Variants in SLK observed in about 807,000 individuals in gnomAD.
SLK encodes STE20-like serine/threonine-protein kinase.
A neutral mutation model predicts 147.7 loss-of-function variants in SLK; 67 were observed. The observed-to-expected ratio is 0.45, with a 90% CI of 0.37 to 0.56. The LOEUF is 0.56. SLK is among the 20% of genes least tolerant of loss of function. SLK has a pLI of 0.00. For missense variants in SLK, 1,136 were observed against 1,438.8 expected, an observed-to-expected ratio of 0.79 and a Z score of 3.41; for synonymous variants, 441 against 475.0, an observed-to-expected ratio of 0.93 and a Z score of 0.93.
In SLK at chr10:104,003,227, A is replaced by G. The variant is rs35389916; in HGVS notation, c.2049A>G (p.Lys683=). Residue 683 remains lysine (K), a synonymous_variant, in exon 9 of 19, where the codon AAA becomes AAG. Transcript: ENST00000369755. ...SKVTTQIDKE[K]KEIPVSIKKE... The stretch of plus-strand genomic sequence containing the variant: ...TCACTACTCAGATAGATAAAGAGAA[A>G]AAAGAAATTCCAGTGTCAATTAAAA... 2.5e-6 allele frequency: 4 copies of G among 1,611,534 alleles called. No individual in the cohort carries two copies. The Admixed American group carries it at 6.8e-5, about 27-fold the overall frequency.
At chr10:103,985,411 T>C (rs1564652677) in intron 1 of SLK, among the ~76,000 whole-genome samples, 1 of 152,212 alleles carries the variant, frequency 6.6e-6, no homozygotes, top group Non-Finnish European at 1.5e-5. Context: ...CGTGAACAAT[T>C]TGAGTTGTTT....
chr10:104,005,359 T>G (rs1343219966), intron 9 of SLK, among the ~76,000 whole-genome samples: 1 of 152,228 alleles, frequency 6.6e-6, no homozygotes, highest in Non-Finnish European at 1.5e-5. Flanking sequence ...TGTAAAGACG[T>G]GTAAGTCAGA....
chr10:103,979,884 T>C (rs1306540060), intron 1 of SLK, among the ~76,000 whole-genome samples: 1 of 152,188 alleles, frequency 6.6e-6, no homozygotes, highest in East Asian at 1.9e-4. Flanking sequence ...ATTTATTAAC[T>C]TTTCCCTACA....
chr10:103,997,727 C>G (rs1016526835), intron 4 of SLK, among the ~76,000 whole-genome samples: 1 of 151,894 alleles, frequency 6.6e-6, no homozygotes, highest in African/African-American at 2.4e-5. Flanking sequence ...TTTTCTGGAG[C>G]TCTGTCGCCT....
At chr10:103,986,677 T>G (rs1265549669) in intron 1 of SLK, among the ~76,000 whole-genome samples, 1 of 140,780 alleles carries the variant, frequency 7.1e-6, no homozygotes, top group Non-Finnish European at 1.6e-5. Context: ...AGTTTTTTTT[T>G]TTTTTTTTTT....
At chr10:104,011,592 C>T (rs1413264811) in intron 13 of SLK, among the ~76,000 whole-genome samples, 6 of 150,562 alleles carry the variant, frequency 4.0e-5, no homozygotes, top group East Asian at 1.9e-4. Context: ...ATTGGAGTCT[C>T]GCTCTGTCTC....
rs755836378 is a variant in SLK at position 103,967,754 on chromosome 10, C to T, written c.9C>T (p.Phe3=). The T allele has an allele frequency of 6.2e-7, 1 of 1,614,042 alleles. No homozygotes were observed. The highest frequency in any genetic ancestry group is 8.5e-7 in the Non-Finnish European group (1 of 1,179,906). The change falls in exon 1 of 19, where the codon TTC becomes TTT. Residue 3 remains phenylalanine (F), a synonymous_variant. Transcript: ENST00000369755. Reference sequence around the variant, plus strand: ...CTGTGTTGGGAGGAAAAATGTCCTTCTTCAATTTCCGTAAGATCTTCAAGT... The same window carrying T: ...CTGTGTTGGGAGGAAAAATGTCCTTTTTCAATTTCCGTAAGATCTTCAAGT... The part of the protein sequence containing the change: MS[F]FNFRKIFKLG...
chr10:103,991,337 T>C (rs1341476990), intron 2 of SLK, among the ~76,000 whole-genome samples: 1 of 152,120 alleles, frequency 6.6e-6, no homozygotes, highest in Non-Finnish European at 1.5e-5. Context: ...TTTTATTCAT[T>C]TTCAGAAAAT....
At chr10:103,970,041 A>G (rs796357687) in intron 1 of SLK, among the ~76,000 whole-genome samples, 18 of 152,334 alleles carry the variant, frequency 1.2e-4, no homozygotes, top group African/African-American at 4.3e-4. Flanking sequence ...CTCTCACTCA[A>G]TAGCAGCATA....
Position 104,025,950 on chromosome 10 carries a change from G to A in SLK, c.*230G>A. The A allele has an allele frequency of 2.5e-6, 1 of 404,204 alleles. No homozygotes were observed. Among genetic ancestry groups the A allele is most frequent in the Non-Finnish European group, 4.4e-6 (1 of 228,260 alleles). 25.0% of individuals were successfully genotyped at this position (404,204 alleles called of 1,614,324 possible). ...GCAAAGTAGCATCTTGGTGACTAAG[G>A]TGACTTTGTATATTCATCTTAAAAA... On this transcript the variant is annotated 3_prime_UTR_variant, in exon 19 of 19. Transcript: ENST00000369755.
At position 103,993,069 on chromosome 10, in the gene SLK, G is replaced by A; in HGVS notation, c.450G>A (p.Lys150=). 2 of 1,611,028 alleles carry A rather than the reference G, an allele frequency of 1.2e-6. No homozygotes were observed. Among genetic ancestry groups the A allele is most frequent in the Non-Finnish European group, 1.7e-6 (2 of 1,178,072 alleles). Residue 150 remains lysine, a synonymous_variant, in exon 4 of 19, where the codon AAG becomes AAA. Transcript: ENST00000369755. ...CATTGAACTACTTACATGATAATAA[G>A]ATCATCCACAGAGATCTGAAGGCTG... ...LDALNYLHDN[K]IIHRDLKAGN...
At chr10:104,007,839 C>A (rs1018507123) in intron 11 of SLK, among the ~76,000 whole-genome samples, 1 of 151,606 alleles carries the variant, frequency 6.6e-6, no homozygotes, top group East Asian at 1.9e-4. Flanking sequence ...GTAGTCCCAG[C>A]TACTTGGGAG....
Position 104,018,232 on chromosome 10 carries a change from G to T in SLK, c.2950G>T (p.Ala984Ser), listed in dbSNP as rs1315850382. ...SLKKIIQQQK[A>S]ELANIERECL... The stretch of plus-strand genomic sequence containing the variant: ...GAAAAAGATCATCCAGCAGCAGAAG[G>T]CAGAGTTAGCTAATATTGAGAGAGA... The change falls in exon 14 of 19, where the codon GCA (alanine) becomes TCA (serine). Residue 984 changes from alanine (A) to serine (S), a missense_variant. This residue lies in a region of SLK where 327 missense variants were observed against 457.5 expected (regional missense o/e 0.71). Transcript: ENST00000369755. The T allele has an allele frequency of 1.9e-6, 3 of 1,602,638 alleles. No homozygotes were observed. The East Asian group carries it at 6.7e-5, about 36-fold the overall frequency.
At position 104,002,458 on chromosome 10, in the gene SLK, G is replaced by A. The variant is rs777260154; in HGVS notation, c.1280G>A (p.Arg427Lys). Residue 427 changes from arginine (R) to lysine (K), a missense_variant, in exon 9 of 19, where the codon AGG (arginine) becomes AAG (lysine). This residue lies in a region of SLK where 516 missense variants were observed against 531.3 expected (regional missense o/e 0.97). Coordinates refer to ENST00000369755, the MANE Select transcript of SLK (RefSeq NM_014720.4). Reference sequence around the variant, plus strand: ...ATCAAGGAGAATGAAAGAGAGAAGAGGCCCAAGCTTGAAAATCTGCCTGAC... The same window carrying A: ...ATCAAGGAGAATGAAAGAGAGAAGAAGCCCAAGCTTGAAAATCTGCCTGAC... ...AVIKENEREK[R>K]PKLENLPDTE... 8 of 1,613,774 alleles carry A rather than the reference G, an allele frequency of 5.0e-6. No individual in the cohort carries two copies. The South Asian group carries it at 8.8e-5, about 18-fold the overall frequency.
chr10:103,998,486 C>T (rs1038015915), intron 4 of SLK, among the ~76,000 whole-genome samples: 2 of 152,154 alleles, frequency 1.3e-5, no homozygotes, highest in African/African-American at 4.8e-5. Flanking sequence ...GCAAGACATA[C>T]ACTGTCCTAA....
chr10:103,992,372 G>A (rs1844108492), intron 2 of SLK, among the ~76,000 whole-genome samples: 1 of 151,818 alleles, frequency 6.6e-6, no homozygotes, highest in Non-Finnish European at 1.5e-5. Flanking sequence ...CAGTAAACAT[G>A]GCAATTAACA....
intron 4 of SLK, among the ~76,000 whole-genome samples, chr10:103,998,196 CTG>C (rs1261550203): frequency 6.6e-6 from 1 of 152,114 alleles, no homozygotes; most frequent in East Asian, 1.9e-4. Context: ...AGTGTATACT[CTG>C]TGGTAGGCAT....
chr10:104,020,193 T>A (rs1261855207), intron 16 of SLK, among the ~76,000 whole-genome samples: 1 of 152,218 alleles, frequency 6.6e-6, no homozygotes, highest in African/African-American at 2.4e-5. Flanking sequence ...GGGAATGAGA[T>A]GACTCGGACA....
chr10:104,001,595 T>G, intron 8 of SLK, 23 bp downstream of exon 8: 1 of 1,613,070 alleles, frequency 6.2e-7, no homozygotes, highest in East Asian at 2.2e-5. Context: ...GAAAGAAATT[T>G]CATTTAGTGA....
Sources: allele counts gnomAD v4.1 joint callset (sites outside exome capture counted in the v4.1 genomes callset), GRCh38; gene constraint gnomAD v4.1.1; regional missense constraint gnomAD v4.1.1; transcripts MANE v1.5; gene names NCBI Gene and HGNC (gene_info 2026-07-23, HGNC 2026-07-21).